Variants in TAC4 observed in about 807,000 individuals in gnomAD.
TAC4 encodes the protein tachykinin-4.
TAC4 carries 17 observed loss-of-function variants against 17.7 expected under a neutral mutation model. The ratio of observed to expected loss-of-function variants is 0.96; its 90% CI spans 0.66 to 1.44. TAC4 has a LOEUF of 1.44. Ranked by LOEUF, TAC4 falls within the 40% of genes most tolerant of loss-of-function variation. The pLI, the probability that TAC4 is intolerant of heterozygous loss-of-function variation, is 0.00. For missense variants in TAC4, 118 were observed against 125.6 expected, an observed-to-expected ratio of 0.94 and a Z score of 0.29; for synonymous variants, 62 against 52.4, an observed-to-expected ratio of 1.18 and a Z score of -0.79.
At position 49,838,683 on chromosome 17, in the gene TAC4, G is replaced by A. The variant is rs746662682; in HGVS notation, c.293-10C>T. The A allele has an allele frequency of 4.3e-6, 7 of 1,612,938 alleles. No individual in the cohort carries two copies. Among genetic ancestry groups the A allele is most frequent in the Non-Finnish European group, 5.9e-6 (7 of 1,179,542 alleles). On this transcript the variant is annotated splice_polypyrimidine_tract_variant and intron_variant, in intron 4 of 4. Coordinates refer to ENST00000436235, the MANE Select transcript of TAC4 (RefSeq NM_001077506.2). The stretch of plus-strand genomic sequence containing the variant: ...GCCTCATCCTCTCTGCCTGGGGAGA[G>A]TTTGGTATATGAACCATGGTTAGTC...
intron 2 of TAC4, 25 bp from the exon 3 acceptor site, chr17:49,841,609 A>T: frequency 6.4e-7 from 1 of 1,553,676 alleles, no homozygotes; most frequent in Non-Finnish European, 8.7e-7. Context: ...AGGAATGAGG[A>T]CTACGGACTG....
At chr17:49,841,244 C>CTTTTTT (rs745671170) in intron 3 of TAC4, among the ~76,000 whole-genome samples, 7 of 110,354 alleles carry the variant, frequency 6.3e-5, no homozygotes, top group East Asian at 2.8e-4. Flanking sequence ...TAGTGGTTGA[C>CTTTTTT]TTTTTTTTTT....
rs147716684 is a variant in TAC4 at position 49,846,102 on chromosome 17, G to A, written c.105+1811C>T. On this transcript the variant is annotated intron_variant, in intron 1 of 4. Transcript: ENST00000436235. ...CCCCCACTGGGTTTCTGTGCCTGGT[G>A]GGGGGGCATTCGGAGACATTGGTTT... The A allele has an allele frequency of 1.6e-3, 1,153 of 735,510 alleles. 17 individuals carry two copies. The African/African-American group carries it at 0.02, about 13-fold the overall frequency. 45.6% of individuals were successfully genotyped at this position (735,510 alleles called of 1,614,324 possible). A position where few individuals can be genotyped will look rare whatever the true frequency, so the allele number is the denominator to read the frequency against.
intron 3 of TAC4, among the ~76,000 whole-genome samples, chr17:49,840,609 T>C (rs968569510): frequency 2.6e-5 from 4 of 152,020 alleles, no homozygotes; most frequent in Admixed American, 1.3e-4. Flanking sequence ...TTCAAGCGAT[T>C]CTCCTGCCTC....
chr17:49,841,559 T>TC lies in TAC4; in HGVS notation c.224dup (p.Ala78SerfsTer25). ...GGTTTGGGCAATACTTACCTTTTTT[T>TC]CTCCTTGGCTGGATCAGAGGTCTTC... is the stretch of plus-strand genomic sequence containing the variant. On this transcript the variant is annotated frameshift_variant, in exon 3 of 5. Coordinates refer to ENST00000436235, the MANE Select transcript of TAC4 (RefSeq NM_001077506.2). LOFTEE classifies it high-confidence loss of function. 4.4e-6 allele frequency: 7 copies of TC among 1,580,768 alleles called. No homozygotes were observed. The highest frequency in any genetic ancestry group is 5.2e-6 in the Non-Finnish European group (6 of 1,164,474).
chr17:49,842,030 AGTAGCCAGG>A lies in TAC4; in HGVS notation c.200-455_200-447del, dbSNP rs2074502348. Among the ~76,000 whole-genome samples the A allele has an allele frequency of 2.0e-5, 3 of 148,362 alleles. No homozygotes were observed. In the South Asian group the frequency reaches 6.4e-4, roughly 32 times the overall value. On this transcript the variant is annotated intron_variant, in intron 2 of 4. Coordinates refer to ENST00000436235, the MANE Select transcript of TAC4 (RefSeq NM_001077506.2). ...GCCATTCTCCTGCCTCAGCCTCCCG[AGTAGCCAGG>A]ACTACAGGCGCCCGCCACCACGCCC...
intron 2 of TAC4, among the ~76,000 whole-genome samples, chr17:49,841,848 GA>G (rs1445266384): frequency 2.6e-5 from 4 of 151,254 alleles, no homozygotes; most frequent in African/African-American, 9.7e-5. Flanking sequence ...TAACCTATCT[GA>G]GCCTTAGTTT....
In TAC4 at chr17:49,841,592, AAGG is replaced by A. The variant is rs145551194; in HGVS notation, c.200-11_200-9del. On this transcript the variant is annotated splice_polypyrimidine_tract_variant and intron_variant, in intron 2 of 4. Transcript: ENST00000436235. Reference sequence around the variant, plus strand: ...GCTGGATCAGAGGTCTTCCTGGGGGAAGGAGAAGGAATGAGGACTACGGACTGC... The same window carrying A: ...GCTGGATCAGAGGTCTTCCTGGGGGAAGAAGGAATGAGGACTACGGACTGC... The A allele has an allele frequency of 4.3e-3, 6,808 of 1,568,124 alleles. 241 individuals carry two copies. In the African/African-American group the frequency reaches 0.082, roughly 19 times the overall value.
At chr17:49,847,658 A>G (rs1043118852) in intron 1 of TAC4, 2 of 493,212 alleles carry the variant, frequency 4.1e-6, no homozygotes, top group Middle Eastern at 5.8e-4. Context: ...CGTGTGTTAA[A>G]TAAGTATTTC....
At position 49,838,568 on chromosome 17, in the gene TAC4, C is replaced by A. The variant is rs536437629; in HGVS notation, c.*74G>T. 1 of 1,590,378 alleles carries A rather than the reference C, an allele frequency of 6.3e-7. No individual in the cohort carries two copies. ...AGACACAGAGAAGAGAGTTGGCCTG[C>A]CGGCTTGTCAGCTGTGACATCCAGG... On this transcript the variant is annotated 3_prime_UTR_variant, in exon 5 of 5. Transcript: ENST00000436235.
intron 3 of TAC4, among the ~76,000 whole-genome samples, chr17:49,840,524 T>C (rs905522238): frequency 1.2e-4 from 18 of 152,068 alleles, no homozygotes; most frequent in Admixed American, 1.2e-3. Context: ...TTTTTTTGAA[T>C]GGAGTCTCGC....
chr17:49,842,456 G>A (rs376980411), intron 2 of TAC4, among the ~76,000 whole-genome samples: 6 of 151,884 alleles, frequency 4.0e-5, no homozygotes, highest in African/African-American at 1.5e-4. Flanking sequence ...CTTGAACCCG[G>A]GAGGCAGAGG....
At chr17:49,841,082 C>T (rs796247010) in intron 3 of TAC4, among the ~76,000 whole-genome samples, 1 of 150,518 alleles carries the variant, frequency 6.6e-6, no homozygotes, top group African/African-American at 2.4e-5. Context: ...TATTTTTAGT[C>T]GCCATGTTGG....
In TAC4 at chr17:49,844,117, A is replaced by G; in HGVS notation, c.146T>C (p.Val49Ala). 6.2e-7 allele frequency: 1 copy of G among 1,613,752 alleles called. No homozygotes were observed. The highest frequency in any genetic ancestry group is 2.2e-5 in the East Asian group (1 of 44,872). ...GAACTGGCTTGCCTTGCCCGTCTTC[A>G]CCTCCTGCAGCTGGAGCTGAATGCT... is the stretch of plus-strand genomic sequence containing the variant. Reference protein sequence around the residue: ...GPSIQLQLQEVKTGKASQFFG... With the variant: ...GPSIQLQLQEAKTGKASQFFG... The change falls in exon 2 of 5, where the codon GTG (valine) becomes GCG (alanine). Residue 49 changes from valine to alanine, a missense_variant. Val to Ala is a moderately conservative substitution (Grantham distance 64, BLOSUM62 0). Transcript: ENST00000436235.
At chr17:49,847,142 C>T (rs1310730537) in intron 1 of TAC4, 1 of 1,289,882 alleles carries the variant, frequency 7.8e-7, no homozygotes, top group East Asian at 5.5e-5. Flanking sequence ...GCCAAGGCCA[C>T]CCCAGTGTCC....
At chr17:49,847,141 A>G in intron 1 of TAC4, 1 of 1,289,656 alleles carries the variant, frequency 7.8e-7, no homozygotes, top group Non-Finnish European at 1.0e-6. Context: ...AGCCAAGGCC[A>G]CCCCAGTGTC....
chr17:49,838,676 G>A lies in TAC4; in HGVS notation c.293-3C>T. The A allele has an allele frequency of 6.2e-7, 1 of 1,613,168 alleles. No individual in the cohort carries two copies. Among genetic ancestry groups the A allele is most frequent in the Middle Eastern group, 1.7e-4 (1 of 6,052 alleles). On this transcript the variant is annotated splice_region_variant and splice_polypyrimidine_tract_variant and intron_variant, in intron 4 of 4. Coordinates refer to ENST00000436235, the MANE Select transcript of TAC4 (RefSeq NM_001077506.2). The stretch of plus-strand genomic sequence containing the variant: ...ACCTTGGGCCTCATCCTCTCTGCCT[G>A]GGGAGAGTTTGGTATATGAACCATG...
intron 1 of TAC4, among the ~76,000 whole-genome samples, chr17:49,846,685 T>C (rs552361922): frequency 1.7e-4 from 26 of 152,084 alleles, no homozygotes; most frequent in Non-Finnish European, 3.4e-4. Flanking sequence ...CAGAGGGATG[T>C]GATATTAAAG....
intron 3 of TAC4, among the ~76,000 whole-genome samples, chr17:49,841,266 T>TC (rs1371605673): frequency 3.4e-5 from 5 of 148,912 alleles, no homozygotes; most frequent in Non-Finnish European, 6.0e-5. Context: ...TTTTTTTTTT[T>TC]CTAATTCCAG....
Sources: allele counts gnomAD v4.1 joint callset (sites outside exome capture counted in the v4.1 genomes callset), GRCh38; gene constraint gnomAD v4.1.1; transcripts MANE v1.5; gene names NCBI Gene and HGNC (gene_info 2026-07-23, HGNC 2026-07-21).